Variants in NCAPH observed in about 807,000 individuals in gnomAD.
NCAPH encodes the protein non-SMC condensin I complex subunit H, also known as condensin complex subunit 2.
Under a neutral mutation model 85.5 loss-of-function variants are expected in NCAPH, and 38 were observed. The ratio of observed to expected loss-of-function variants is 0.44; its 90% confidence interval spans 0.34 to 0.58. The LOEUF is 0.58. Among genes scored for constraint, NCAPH ranks in the 20% least tolerant of loss-of-function variants. The pLI, the probability that NCAPH is intolerant of heterozygous loss-of-function variation, is 0.01. For synonymous variants in NCAPH, 301 were observed against 335.1 expected (o/e 0.90, Z 1.11); for missense variants, 789 against 916.6 (o/e 0.86, Z 1.80).
rs1340642991 is a variant in NCAPH, at chr2:96,341,887, T to A, written c.265T>A (p.Ser89Thr). 2.1e-5 allele frequency: 33 copies of A among 1,608,910 alleles called. 1 individual carries two copies. The Admixed American group carries it at 5.5e-4, about 27-fold the overall frequency. The change falls in exon 2 of 18, where the codon TCC becomes ACC. Residue 89 changes from serine to threonine, a missense_variant. Physicochemically the swap from Ser to Thr is moderately conservative, Grantham distance 58. Coordinates refer to ENST00000240423, the MANE Select transcript of NCAPH (RefSeq NM_015341.5). Reference protein sequence around the residue: ...TDSPRLLASPSSRSIDISATI... With the variant: ...TDSPRLLASPTSRSIDISATI... ...CTCACCTCGCTTATTGGCCTCCCCC[T>A]CCAGCAGGTGAGGTGCTCCTGGGCT...
At chr2:96,362,723 G>A (rs999995764) in intron 12 of NCAPH, among the ~76,000 whole-genome samples, 4 of 152,242 alleles carry the variant, frequency 2.6e-5, no homozygotes, top group Non-Finnish European at 5.9e-5. Flanking sequence ...GGAGCCTGAT[G>A]ATGTGACTAC....
chr2:96,354,159 C>G, intron 8 of NCAPH, 24 bp from the exon 9 acceptor site: 1 of 1,606,660 alleles, frequency 6.2e-7, no homozygotes, highest in South Asian at 1.1e-5. Context: ...ATGAGAATTA[C>G]AGAACCCTCT....
chr2:96,351,451 T>G (rs1456917883), intron 6 of NCAPH, among the ~76,000 whole-genome samples: 1 of 152,060 alleles, frequency 6.6e-6, no homozygotes, highest in African/African-American at 2.4e-5. Context: ...GGTGGATCAC[T>G]TAAGGTCAGG....
chr2:96,358,983 T>G, intron 9 of NCAPH, 62 bp from the exon 10 acceptor site: 1 of 1,513,522 alleles, frequency 6.6e-7, no homozygotes, highest in Non-Finnish European at 9.0e-7. Context: ...GGACATATGC[T>G]TCATATGTAA....
chr2:96,358,907 G>T, intron 9 of NCAPH, 138 bp from the exon 10 acceptor site: 1 of 783,520 alleles, frequency 1.3e-6, no homozygotes, highest in Non-Finnish European at 1.9e-6. Flanking sequence ...AAGTACTTGA[G>T]AAGTAAAAGG....
chr2:96,371,263 G>A (rs532674145), intron 17 of NCAPH, among the ~76,000 whole-genome samples: 3 of 152,114 alleles, frequency 2.0e-5, no homozygotes, highest in Non-Finnish European at 4.4e-5. Context: ...TCTCCAACAT[G>A]GGTGCTGGTC....
At chr2:96,353,452 C>A (rs549036818) in intron 8 of NCAPH, 55 bp downstream of exon 8, 2 of 1,486,934 alleles carry the variant, frequency 1.3e-6, no homozygotes, top group South Asian at 2.3e-5. Flanking sequence ...AAGAGTGGTC[C>A]TGCCCAATGG....
At position 96,352,068 on chromosome 2, in the gene NCAPH, A is replaced by AT. The variant is rs773949643; in HGVS notation, c.910+55dup. ...ACCAGAGCATTTCAGTCATTGGGGA[A>AT]TTTTTTTACATAACCATGGGGTACA... On this transcript the variant is annotated intron_variant, in intron 7 of 17. Transcript: ENST00000240423. The AT allele has an allele frequency of 1.0e-5, 15 of 1,505,214 alleles. No homozygotes were observed. The Admixed American group carries it at 2.5e-4, about 25-fold the overall frequency. 93.2% of individuals were successfully genotyped at this position (1,505,214 alleles called of 1,614,324 possible).
chr2:96,342,009 T>A (rs368585175), intron 2 of NCAPH, 41 bp from the exon 3 acceptor site: 1 of 1,604,456 alleles, frequency 6.2e-7, no homozygotes. Flanking sequence ...TAAACTATCA[T>A]GGATTCTTGC....
Position 96,340,131 on chromosome 2 carries a change from C to T in NCAPH, c.20-1511C>T, listed in dbSNP as rs565202885. Reference sequence around the variant, plus strand: ...AGAGACAGGGTTTCACCATGTTGACCGGGCTGGTCTCGAACTCCTGACCTC... The same window carrying T: ...AGAGACAGGGTTTCACCATGTTGACTGGGCTGGTCTCGAACTCCTGACCTC... On this transcript the variant is annotated intron_variant, in intron 1 of 17. Transcript: ENST00000240423. Among the ~76,000 whole-genome samples, 278 of 151,892 alleles carry T rather than the reference C, an allele frequency of 1.8e-3. 2 individuals are homozygous for T. The highest frequency in any genetic ancestry group is 6.4e-3 in the African/African-American group (264 of 41,400).
chr2:96,340,044 T>A (rs2064270449), intron 1 of NCAPH, among the ~76,000 whole-genome samples: 1 of 152,074 alleles, frequency 6.6e-6, no homozygotes, highest in South Asian at 2.1e-4. Context: ...TGCCTCAGCC[T>A]CCCAAGTAGC....
rs1287718582 is a variant in NCAPH at position 96,368,270 on chromosome 2, G to T, written c.1999-702G>T. Among the ~76,000 whole-genome samples the T allele has an allele frequency of 1.3e-5, 2 of 152,352 alleles. 1 individual carries two copies. Among genetic ancestry groups the T allele is most frequent in the South Asian group, 4.1e-4 (2 of 4,832 alleles). On this transcript the variant is annotated intron_variant, in intron 15 of 17. Coordinates refer to ENST00000240423, the MANE Select transcript of NCAPH (RefSeq NM_015341.5). Reference sequence around the variant, plus strand: ...AACTAGAACAGAATGGGATGCAAGTGTGTGTCTTTGTCTTAAGTGGAAAGT... The same window carrying T: ...AACTAGAACAGAATGGGATGCAAGTTTGTGTCTTTGTCTTAAGTGGAAAGT...
chr2:96,335,859 C>T lies in NCAPH; in HGVS notation c.19+11C>T, dbSNP rs756548307. ...GACCTCCCGGCCCAGGTGAGCCGGG[C>T]GGTCGGGAGGCGCGGCGGGAAGGGC... On this transcript the variant is annotated intron_variant, in intron 1 of 17. Coordinates refer to ENST00000240423, the MANE Select transcript of NCAPH (RefSeq NM_015341.5). 5 of 1,483,610 alleles carry T rather than the reference C, an allele frequency of 3.4e-6. No homozygotes were observed. In the African/African-American group the frequency reaches 4.4e-5, roughly 13 times the overall value. 91.9% of individuals were successfully genotyped at this position (1,483,610 alleles called of 1,614,324 possible).
chr2:96,336,651 G>A (rs1353596517), intron 1 of NCAPH, among the ~76,000 whole-genome samples: 2 of 152,216 alleles, frequency 1.3e-5, no homozygotes, highest in Non-Finnish European at 2.9e-5. Context: ...TTACGGGAGA[G>A]ACTCAGGTGA....
chr2:96,341,423 T>C, intron 1 of NCAPH: 1 of 561,664 alleles, frequency 1.8e-6, no homozygotes. Context: ...AGAGTGGATA[T>C]TTGTCCCAGA....
intron 8 of NCAPH, among the ~76,000 whole-genome samples, chr2:96,353,922 TAC>T (rs2104455315): frequency 6.6e-6 from 1 of 152,292 alleles, no homozygotes; most frequent in East Asian, 1.9e-4. Flanking sequence ...AGTTAATGGG[TAC>T]AGAATCCTGT....
At chr2:96,342,315 G>A (rs778045378) in intron 3 of NCAPH, among the ~76,000 whole-genome samples, 175 bp downstream of exon 3, 1 of 152,216 alleles carries the variant, frequency 6.6e-6, no homozygotes, top group Non-Finnish European at 1.5e-5. Flanking sequence ...CTGAGAGGCT[G>A]CCAGCTATCT....
At chr2:96,355,824 C>T (rs941004586) in intron 9 of NCAPH, among the ~76,000 whole-genome samples, 2 of 151,596 alleles carry the variant, frequency 1.3e-5, no homozygotes, top group Non-Finnish European at 1.5e-5. Context: ...TTATTAGAGA[C>T]GGGGTTTCAC....
chr2:96,366,589 G>A (rs1383603537), intron 14 of NCAPH, among the ~76,000 whole-genome samples: 1 of 152,204 alleles, frequency 6.6e-6, no homozygotes. Context: ...TGTCCAAAGA[G>A]AGCTCTGGGC....
Sources: allele counts gnomAD v4.1 joint callset (sites outside exome capture counted in the v4.1 genomes callset), GRCh38; gene constraint gnomAD v4.1.1; transcripts MANE v1.5; gene names NCBI Gene and HGNC (gene_info 2026-07-23, HGNC 2026-07-21).